Variants in CFAP20DC observed in about 807,000 individuals in gnomAD.
CFAP20DC encodes protein CFAP20DC.
Under a neutral mutation model 101.7 loss-of-function variants are expected in CFAP20DC, and 84 were observed. The ratio of observed to expected loss-of-function variants is 0.83; its 90% confidence interval spans 0.69 to 0.99. The LOEUF is 0.99. Ranked by LOEUF, CFAP20DC falls within the 50% of genes least tolerant of loss-of-function variation. The pLI is 0.00. For synonymous variants in CFAP20DC, 359 were observed against 351.2 expected (o/e 1.02, Z -0.25); for missense variants, 1,007 against 970.3 (o/e 1.04, Z -0.50).
chr3:58,869,511 A>C lies in CFAP20DC; in HGVS notation c.853-21T>G. 6.5e-7 allele frequency: 1 copy of C among 1,546,554 alleles called. No individual in the cohort carries two copies. Among genetic ancestry groups the C allele is most frequent in the Non-Finnish European group, 8.7e-7 (1 of 1,145,674 alleles). ...ACTGTCTGTAAAGGAATTAATCTGT[A>C]CATTTTAAAATATAGCAACTACATT... is the stretch of plus-strand genomic sequence containing the variant. On this transcript the variant is annotated intron_variant, in intron 8 of 16. Transcript: ENST00000482387. The surrounding 1 kb of genome is among the most constrained non-coding windows in gnomAD (Gnocchi z 4.3).
Position 58,937,760 on chromosome 3 carries a change from A to G in CFAP20DC, c.281T>C (p.Ile94Thr). 6.5e-7 allele frequency: 1 copy of G among 1,533,316 alleles called. No individual in the cohort carries two copies. Among genetic ancestry groups the G allele is most frequent in the South Asian group, 1.1e-5 (1 of 88,972 alleles). The allele number at this position is 1,533,316 out of a possible 1,614,324, so 95.0% of individuals were successfully genotyped here. A position where few individuals can be genotyped will look rare whatever the true frequency, so the allele number is the denominator to read the frequency against. ...LGQDFSTELL[I>T]TDLGNIKRRL... is the part of the protein sequence containing the mutation. ...TCTTTTGATGTTCCCTAAATCAGTAATTCTGAAAACATGGAGGAGAGAAGA... is the reference window on the plus strand; with the variant it reads ...TCTTTTGATGTTCCCTAAATCAGTAGTTCTGAAAACATGGAGGAGAGAAGA... The change falls in exon 5 of 17, where the codon ATT becomes ACT. Residue 94 changes from isoleucine to threonine, a missense_variant and splice_region_variant. By Grantham distance (89) the Ile-to-Thr change is moderately conservative. Coordinates refer to ENST00000482387, the MANE Select transcript of CFAP20DC (RefSeq NM_001394063.1).
At chr3:58,816,444 C>G (rs373669440) in intron 14 of CFAP20DC, among the ~76,000 whole-genome samples, 1 of 152,200 alleles carries the variant, frequency 6.6e-6, no homozygotes, top group East Asian at 1.9e-4. Context: ...GCACCGTGCG[C>G]GAGCCGAAGC....
At chr3:58,794,360 C>T (rs1274891008) in intron 15 of CFAP20DC, 1 of 455,740 alleles carries the variant, frequency 2.2e-6, no homozygotes, top group Admixed American at 2.4e-5. Flanking sequence ...AAGAAAGAGT[C>T]AACAGAACAA....
At chr3:58,829,785 T>A (rs936363005) in intron 14 of CFAP20DC, among the ~76,000 whole-genome samples, 2 of 152,182 alleles carry the variant, frequency 1.3e-5, no homozygotes, top group African/African-American at 4.8e-5. Context: ...GAACACTGTA[T>A]CCAGGGCAAC....
chr3:58,915,008 T>C (rs2107439962), intron 5 of CFAP20DC: 1 of 152,230 alleles, frequency 6.6e-6, no homozygotes, highest in East Asian at 1.9e-4. Context: ...TGAAGTAATG[T>C]AAGATGGCCC....
chr3:59,009,233 G>A (rs1171774157), intron 4 of CFAP20DC, among the ~76,000 whole-genome samples: 1 of 151,154 alleles, frequency 6.6e-6, no homozygotes, highest in Non-Finnish European at 1.5e-5. Flanking sequence ...AAATGAGAGG[G>A]AACCAGAAAA....
intron 15 of CFAP20DC, among the ~76,000 whole-genome samples, chr3:58,775,970 G>A (rs1277967183): frequency 6.6e-6 from 1 of 151,976 alleles, no homozygotes; most frequent in Non-Finnish European, 1.5e-5. Context: ...TTGGACTCCC[G>A]ACTTCAGGTG....
intron 15 of CFAP20DC, among the ~76,000 whole-genome samples, chr3:58,777,552 A>T (rs754465201): frequency 6.6e-6 from 1 of 152,274 alleles, no homozygotes; most frequent in African/African-American, 2.4e-5. Context: ...CAAATGAATG[A>T]TATCTATGGA....
intron 13 of CFAP20DC, among the ~76,000 whole-genome samples, chr3:58,842,633 C>T (rs1351816020): frequency 2.0e-5 from 3 of 152,222 alleles, no homozygotes; most frequent in Admixed American, 6.5e-5. Flanking sequence ...ACAAAGCAGC[C>T]AGGAAGCTCT....
chr3:58,730,241 C>G (rs976728864), intron 3 of CFAP20DC, among the ~76,000 whole-genome samples: 1 of 151,984 alleles, frequency 6.6e-6, no homozygotes, highest in South Asian at 2.1e-4. Flanking sequence ...GTTTTCACCA[C>G]AAAAATTGGT....
In CFAP20DC at chr3:58,807,433, C is replaced by T. The variant is rs995199461; in HGVS notation, c.2176-977G>A. ...TGAAAATCCGCTGTTCTGCAGCCAC[C>T]GCTGCGGATACCCAGGCAAATAGGG... On this transcript the variant is annotated intron_variant, in intron 14 of 16. Coordinates refer to ENST00000482387, the MANE Select transcript of CFAP20DC (RefSeq NM_001394063.1). 7.2e-5 allele frequency among the ~76,000 whole-genome samples: 11 copies of T among 152,180 alleles called. 1 individual carries two copies. Among genetic ancestry groups the T allele is most frequent in the Admixed American group, 3.3e-4 (5 of 15,278 alleles).
intron 4 of CFAP20DC, among the ~76,000 whole-genome samples, chr3:58,973,772 T>C (rs1194247679): frequency 2.0e-5 from 3 of 151,836 alleles, no homozygotes; most frequent in Admixed American, 1.3e-4. Flanking sequence ...ACCCCCAAAA[T>C]AGAAACAATG....
At chr3:58,794,023 C>G (rs1317454827) in intron 15 of CFAP20DC, among the ~76,000 whole-genome samples, 2 of 152,220 alleles carry the variant, frequency 1.3e-5, no homozygotes, top group Admixed American at 6.5e-5. Context: ...ATGTACAATT[C>G]TAACTCACTT....
At chr3:58,816,522 G>A (rs2107844235) in intron 14 of CFAP20DC, among the ~76,000 whole-genome samples, 1 of 152,294 alleles carries the variant, frequency 6.6e-6, no homozygotes, top group East Asian at 1.9e-4. Context: ...GTCAAAGAAA[G>A]GGGTGACGGA....
At chr3:58,915,236 G>T (rs2084559665) in intron 5 of CFAP20DC, among the ~76,000 whole-genome samples, 1 of 152,124 alleles carries the variant, frequency 6.6e-6, no homozygotes, top group South Asian at 2.1e-4. Context: ...TAAACACGAA[G>T]TGAGGAGGGC....
intron 15 of CFAP20DC, among the ~76,000 whole-genome samples, chr3:58,775,078 A>G (rs2107525833): frequency 6.6e-6 from 1 of 152,340 alleles, no homozygotes. Context: ...CAGCCTCAGG[A>G]AGTCCTGACG....
chr3:58,765,342 T>A (rs1222714080), intron 15 of CFAP20DC, among the ~76,000 whole-genome samples: 7 of 151,926 alleles, frequency 4.6e-5, no homozygotes, highest in African/African-American at 1.7e-4. Flanking sequence ...GTTAGCTTAA[T>A]CATCTCTTTA....
At chr3:58,973,905 C>G (rs1265589439) in intron 4 of CFAP20DC, among the ~76,000 whole-genome samples, 1 of 152,016 alleles carries the variant, frequency 6.6e-6, no homozygotes, top group Non-Finnish European at 1.5e-5. Context: ...GAAGGAATAC[C>G]CTGGCTTCTC....
intron 13 of CFAP20DC, among the ~76,000 whole-genome samples, chr3:58,846,327 A>G (rs2077638030): frequency 6.6e-6 from 1 of 151,068 alleles, no homozygotes; most frequent in Admixed American, 6.6e-5. Flanking sequence ...CTCAGGATAC[A>G]AAATCAATGT....
Sources: gnomAD v4.1 joint callset for allele counts (sites outside exome capture counted in the v4.1 genomes callset) on GRCh38, gnomAD v4.1.1 for gene constraint, Gnocchi (gnomAD v3.1) non-coding constraint, MANE v1.5 for transcripts, NCBI Gene and HGNC (gene_info 2026-07-23, HGNC 2026-07-21) for gene names.